The following LRRIQ1 variants were observed in gnomAD, a reference collection of about 807,000 sequenced individuals.
LRRIQ1 encodes the protein leucine-rich repeat- and IQ domain-containing protein 1.
LRRIQ1 carries 210 observed loss-of-function variants against 211.9 expected under a neutral mutation model. The observed-to-expected ratio is 0.99, with a 90% confidence interval of 0.89 to 1.11. The LOEUF is 1.11. LRRIQ1 is among the 50% of genes most tolerant of loss of function. LRRIQ1 has a pLI of 0.00. For synonymous variants in LRRIQ1, 699 were observed against 650.1 expected, an observed-to-expected ratio of 1.08 and a Z score of -1.14; for missense variants, 2,136 against 1,939.5, an observed-to-expected ratio of 1.10 and a Z score of -1.90.
chr12:85,190,824 T>C (rs1892477712), intron 24 of LRRIQ1, among the ~76,000 whole-genome samples: 2 of 151,934 alleles, frequency 1.3e-5, no homozygotes, highest in South Asian at 2.1e-4. Context: ...ATAACTTCTG[T>C]TGCTGCTAAA....
At chr12:85,120,816 G>A (rs960755623) in intron 15 of LRRIQ1, among the ~76,000 whole-genome samples, 2 of 149,740 alleles carry the variant, frequency 1.3e-5, no homozygotes, top group Non-Finnish European at 3.0e-5. Context: ...GCAGCCTGGT[G>A]AAAAGAGACC....
chr12:85,248,229 C>G (rs571467224), downstream of LRRIQ1, among the ~76,000 whole-genome samples: 101 of 151,528 alleles, frequency 6.7e-4, no homozygotes, highest in African/African-American at 2.4e-3. Flanking sequence ...ATTTCTTTGA[C>G]AGCTAACATA....
At chr12:85,140,171 T>G (rs1208784377) in intron 19 of LRRIQ1, among the ~76,000 whole-genome samples, 1 of 151,366 alleles carries the variant, frequency 6.6e-6, no homozygotes, top group Non-Finnish European at 1.5e-5. Context: ...TTTGAAAATA[T>G]TGAGTAAATC....
chr12:85,059,740 G>A (rs1251164093), intron 8 of LRRIQ1, among the ~76,000 whole-genome samples: 1 of 151,868 alleles, frequency 6.6e-6, no homozygotes, highest in East Asian at 1.9e-4. Context: ...ATTTAATGTA[G>A]AGGACGGGTT....
At chr12:85,270,988 A>C in the LRRIQ1 span, among the ~76,000 whole-genome samples, 2 of 152,204 alleles carry the variant, frequency 1.3e-5, no homozygotes, top group Non-Finnish European at 2.9e-5. Flanking sequence ...TATCTGTATA[A>C]TGAAAACATA....
intron 24 of LRRIQ1, among the ~76,000 whole-genome samples, chr12:85,212,858 G>T (rs1233235769): frequency 1.3e-5 from 2 of 150,054 alleles, no homozygotes; most frequent in African/African-American, 4.9e-5. Context: ...CAGTGAGTAG[G>T]TTAAAACAAT....
chr12:85,054,209 C>G (rs7316341), intron 7 of LRRIQ1, among the ~76,000 whole-genome samples: 9,070 of 152,142 alleles, frequency 0.06, 922 homozygotes, highest in African/African-American at 0.21. Flanking sequence ...AAAATAATCC[C>G]TACTTTCAAA....
At chr12:85,266,212 T>A (rs1896415302), downstream of LRRIQ1, among the ~76,000 whole-genome samples, 2 of 152,060 alleles carry the variant, frequency 1.3e-5, no homozygotes, top group African/African-American at 4.8e-5. Context: ...TATCAGGTTT[T>A]ACATAGATAG....
Position 85,079,510 on chromosome 12 carries a change from C to A in LRRIQ1, c.2887+6412C>A, listed in dbSNP as rs140777172. Among the ~76,000 whole-genome samples, 628 of 151,874 alleles carry A rather than the reference C, an allele frequency of 4.1e-3. 4 individuals are homozygous for A. The highest frequency in any genetic ancestry group is 0.014 in the African/African-American group (598 of 41,446). On this transcript the variant is annotated intron_variant, in intron 11 of 26. Transcript: ENST00000393217. ...AGTGCTGGGATTACAGGTGTAAGAG[C>A]TGCCACCATGCCCAGCCTCTATCTT...
At chr12:85,242,694 T>C (rs1030239118) in intron 26 of LRRIQ1, among the ~76,000 whole-genome samples, 1 of 151,928 alleles carries the variant, frequency 6.6e-6, no homozygotes, top group South Asian at 2.1e-4. Context: ...CTAAATATTG[T>C]TGCATATCGC....
Position 85,229,558 on chromosome 12 carries a change from G to A in LRRIQ1, c.4864G>A (p.Glu1622Lys), listed in dbSNP as rs757710968. Reference protein sequence around the residue: ...DPIHKDTTANEKLERNREYTY... With the variant: ...DPIHKDTTANKKLERNREYTY... ...TATCCACAAAGATACCACTGCAAAT[G>A]AAAAATTAGAACGGAATAGAGAATA... Residue 1622 changes from glutamate to lysine, a missense_variant, in exon 25 of 27, where the codon GAA (glutamate) becomes AAA (lysine). Glu to Lys is a moderately conservative substitution (Grantham distance 56). Transcript: ENST00000393217. 1 of 1,612,342 alleles carries A rather than the reference G, an allele frequency of 6.2e-7. No homozygotes were observed. Among genetic ancestry groups the A allele is most frequent in the South Asian group, 1.1e-5 (1 of 90,886 alleles).
intron 26 of LRRIQ1, among the ~76,000 whole-genome samples, chr12:85,235,764 C>A (rs1388809563): frequency 6.6e-6 from 1 of 151,998 alleles, no homozygotes; most frequent in Non-Finnish European, 1.5e-5. Flanking sequence ...TCAGTTGTAC[C>A]CAAATAAGTC....
intron 23 of LRRIQ1, among the ~76,000 whole-genome samples, chr12:85,157,329 A>G (rs551566485): frequency 6.6e-6 from 1 of 151,968 alleles, no homozygotes; most frequent in African/African-American, 2.4e-5. Flanking sequence ...TGAAAGCTAC[A>G]CGGTAAAATC....
chr12:85,121,719 C>T lies in LRRIQ1; in HGVS notation c.3400C>T (p.Pro1134Ser), dbSNP rs762999797. 4 of 1,587,928 alleles carry T rather than the reference C, an allele frequency of 2.5e-6. No individual in the cohort carries two copies. The highest frequency in any genetic ancestry group is 3.4e-6 in the Non-Finnish European group (4 of 1,168,690). Residue 1134 changes from proline to serine, a missense_variant, in exon 16 of 27, where the codon CCT (proline) becomes TCT (serine). By Grantham distance (74) the Pro-to-Ser change is moderately conservative. Transcript: ENST00000393217. ...NWRDSLLKVL[P>S]ALRILNGNIL... is the part of the protein sequence containing the mutation. ...TAGGGATTCTCTACTTAAAGTGTTG[C>T]CTGCTCTGAGAATCCTCAATGGCAA...
chr12:85,162,899 T>A, intron 24 of LRRIQ1: 1 of 400,430 alleles, frequency 2.5e-6, no homozygotes, highest in Admixed American at 3.4e-5. Flanking sequence ...TGTTTAGGAA[T>A]AGGCTTGGCA....
Position 85,251,443 on chromosome 12 carries a change from C to T in LRRIQ1, c.121+6534C>T, listed in dbSNP as rs143091820. 6.0e-3 allele frequency among the ~76,000 whole-genome samples: 910 copies of T among 151,754 alleles called. 14 individuals carry two copies. Among genetic ancestry groups the T allele is most frequent in the African/African-American group, 0.021 (860 of 41,422 alleles). ...GAGTAGTAAAAGATGATTAATATGCCGATTTAGGTTTTAAACATGGTGAGT... is the reference window on the plus strand; with the variant it reads ...GAGTAGTAAAAGATGATTAATATGCTGATTTAGGTTTTAAACATGGTGAGT... On this transcript the variant is annotated intron_variant, in intron 1 of 1. Coordinates refer to the LRRIQ1 transcript ENST00000602731.
chr12:85,063,834 A>G lies in LRRIQ1; in HGVS notation c.2392-1428A>G, dbSNP rs147342036. Among the ~76,000 whole-genome samples the G allele has an allele frequency of 1.2e-3, 187 of 151,756 alleles. 4 individuals are homozygous for G. In the East Asian group the frequency reaches 0.034, roughly 28 times the overall value. ...TGGTTTATTTCACTTAATGACTTCC[A>G]ATTTTATCTATATTGTTGCAAATGG... On this transcript the variant is annotated intron_variant, in intron 8 of 26. Coordinates refer to ENST00000393217, the MANE Select transcript of LRRIQ1 (RefSeq NM_001079910.2).
At chr12:85,239,746 G>A (rs547075993) in intron 26 of LRRIQ1, among the ~76,000 whole-genome samples, 3 of 152,104 alleles carry the variant, frequency 2.0e-5, no homozygotes, top group African/African-American at 4.8e-5. Context: ...GGGAGGCCCA[G>A]GCAGGTGGAT....
At position 85,038,324 on chromosome 12, in the gene LRRIQ1, T is replaced by C. The variant is rs774262709; in HGVS notation, c.132+16T>C. The C allele has an allele frequency of 8.2e-5, 121 of 1,468,468 alleles. No homozygotes were observed. The highest frequency in any genetic ancestry group is 7.2e-5 in the Non-Finnish European group (80 of 1,103,456). The allele number at this position is 1,468,468 out of a possible 1,614,324, so 91.0% of individuals were successfully genotyped here. On this transcript the variant is annotated intron_variant, in intron 2 of 26. Coordinates refer to ENST00000393217, the MANE Select transcript of LRRIQ1 (RefSeq NM_001079910.2). ...TAGTGATACAGTGAGTATTGCACTT[T>C]TGAGCCTTTTAACAGGAGTAGGCTT...
Sources: gnomAD v4.1 joint callset for allele counts (sites outside exome capture counted in the v4.1 genomes callset) on GRCh38, gnomAD v4.1.1 for gene constraint, MANE v1.5 for transcripts, NCBI Gene and HGNC (gene_info 2026-07-23, HGNC 2026-07-21) for gene names.